Variants in TAFA1 observed in about 807,000 individuals in gnomAD.
The protein encoded by TAFA1 is TAFA chemokine like family member 1, also known as chemokine-like protein TAFA-1.
A neutral mutation model predicts 18.5 loss-of-function variants in TAFA1; 4 were observed. The ratio of observed to expected loss-of-function variants is 0.22; its 90% CI spans 0.11 to 0.49. The LOEUF (loss-of-function observed/expected upper bound fraction) is 0.49, where lower values mean the gene tolerates loss of function less well. TAFA1 is among the 20% of genes least tolerant of loss of function. The pLI is 0.98. For missense variants in TAFA1, 147 were observed against 169.0 expected (o/e 0.87, Z 0.72); for synonymous variants, 56 against 55.2 (o/e 1.01, Z -0.06).
rs565100065 is a variant in TAFA1, at chr3:68,353,556, T to C, written c.119-63724T>C. Among the ~76,000 whole-genome samples the C allele has an allele frequency of 5.9e-5, 9 of 152,132 alleles. No homozygotes were observed. The South Asian group carries it at 1.7e-3, about 28-fold the overall frequency. On this transcript the variant is annotated intron_variant, in intron 2 of 4. Transcript: ENST00000478136. Reference sequence around the variant, plus strand: ...GGACAAGTATATCATTTTGTATTCATAGCCACTATTTGCTATATAATCTGG... The same window carrying C: ...GGACAAGTATATCATTTTGTATTCACAGCCACTATTTGCTATATAATCTGG...
chr3:68,024,598 C>T (rs1400806097), intron 2 of TAFA1, among the ~76,000 whole-genome samples: 1 of 152,052 alleles, frequency 6.6e-6, no homozygotes, highest in Non-Finnish European at 1.5e-5. Context: ...GGAAGGCTAG[C>T]CTGGTTTACC....
At chr3:68,424,852 T>C (rs1025666383) in intron 3 of TAFA1, among the ~76,000 whole-genome samples, 2 of 152,008 alleles carry the variant, frequency 1.3e-5, no homozygotes, top group African/African-American at 4.8e-5. Context: ...CCTTTTTAAC[T>C]GTAACATTTA....
chr3:68,425,214 T>C (rs982340702), intron 3 of TAFA1, among the ~76,000 whole-genome samples: 1 of 151,962 alleles, frequency 6.6e-6, no homozygotes, highest in African/African-American at 2.4e-5. Flanking sequence ...CCTATTTTGG[T>C]TCTGCCATTT....
At chr3:68,274,445 C>T (rs1000854433) in intron 2 of TAFA1, among the ~76,000 whole-genome samples, 2 of 152,176 alleles carry the variant, frequency 1.3e-5, no homozygotes, top group African/African-American at 4.8e-5. Context: ...AGCCAAAGTT[C>T]ATTTCTGCCT....
chr3:68,538,584 G>A (rs2073313944), intron 3 of TAFA1, among the ~76,000 whole-genome samples, 172 bp from the exon 4 acceptor site: 2 of 152,120 alleles, frequency 1.3e-5, no homozygotes, highest in South Asian at 4.1e-4. Context: ...TGCATTATAA[G>A]GCATATAAAT....
intron 2 of TAFA1, among the ~76,000 whole-genome samples, chr3:68,235,851 G>A (rs1041295640): frequency 7.2e-5 from 11 of 152,096 alleles, no homozygotes; most frequent in African/African-American, 2.7e-4. Context: ...TGAAAATAAA[G>A]CAGAAAAGAG....
At chr3:68,250,051 A>G (rs2067162914) in intron 2 of TAFA1, among the ~76,000 whole-genome samples, 1 of 152,192 alleles carries the variant, frequency 6.6e-6, no homozygotes, top group South Asian at 2.1e-4. Context: ...ATTAATGTTA[A>G]GTCATACGAT....
At chr3:68,034,139 T>C (rs1331599354) in intron 2 of TAFA1, among the ~76,000 whole-genome samples, 2 of 152,138 alleles carry the variant, frequency 1.3e-5, no homozygotes, top group Non-Finnish European at 2.9e-5. Flanking sequence ...ACCTAAATTA[T>C]AGATTAAGCT....
At chr3:68,105,205 G>C (rs1026137501) in intron 2 of TAFA1, among the ~76,000 whole-genome samples, 1 of 152,106 alleles carries the variant, frequency 6.6e-6, no homozygotes, top group Non-Finnish European at 1.5e-5. Flanking sequence ...CCTCCCACCA[G>C]ACTCCACCTC....
At chr3:68,346,728 C>T (rs986247877) in intron 2 of TAFA1, among the ~76,000 whole-genome samples, 3 of 152,182 alleles carry the variant, frequency 2.0e-5, no homozygotes, top group African/African-American at 7.2e-5. Context: ...CTTCAAGCGA[C>T]AAAGTAATTT....
At chr3:68,389,682 G>T (rs540358640) in intron 2 of TAFA1, among the ~76,000 whole-genome samples, 1 of 152,204 alleles carries the variant, frequency 6.6e-6, no homozygotes, top group African/African-American at 2.4e-5. Flanking sequence ...CATTGGGACT[G>T]GTTAGACAGT....
At chr3:68,190,531 G>T (rs1217314451) in intron 2 of TAFA1, among the ~76,000 whole-genome samples, 1 of 151,826 alleles carries the variant, frequency 6.6e-6, no homozygotes, top group Non-Finnish European at 1.5e-5. Context: ...TAACCTCAGG[G>T]TCATTTGGAA....
intron 2 of TAFA1, among the ~76,000 whole-genome samples, chr3:68,417,027 CT>C (rs2070852164): frequency 6.6e-6 from 1 of 152,106 alleles, no homozygotes; most frequent in Non-Finnish European, 1.5e-5. Context: ...GCTTTATTGC[CT>C]GTCAATACCT....
At chr3:68,122,503 G>A (rs376767205) in intron 2 of TAFA1, among the ~76,000 whole-genome samples, 1 of 152,294 alleles carries the variant, frequency 6.6e-6, no homozygotes, top group East Asian at 1.9e-4. Context: ...GGATCTAGAT[G>A]TAAATGTGCA....
intron 2 of TAFA1, among the ~76,000 whole-genome samples, chr3:68,377,067 A>G (rs1242656361): frequency 6.6e-6 from 1 of 152,184 alleles, no homozygotes; most frequent in Admixed American, 6.5e-5. Context: ...GAGTCAATTA[A>G]ACATCTTTTC....
At chr3:68,003,831 T>C (rs1442080396), upstream of TAFA1, among the ~76,000 whole-genome samples, 5 of 152,222 alleles carry the variant, frequency 3.3e-5, no homozygotes, top group Admixed American at 3.3e-4. Context: ...CATATACGCA[T>C]CTATGTCCTA....
Position 68,484,266 on chromosome 3 carries a change from CACTCTGCCTAG to C in TAFA1, c.260-54489_260-54479del, listed in dbSNP as rs2072294165. 3.3e-5 allele frequency among the ~76,000 whole-genome samples: 5 copies of C among 152,286 alleles called. No homozygotes were observed. The South Asian group carries it at 1.0e-3, about 32-fold the overall frequency. On this transcript the variant is annotated intron_variant, in intron 3 of 4. Coordinates refer to ENST00000478136, the MANE Select transcript of TAFA1 (RefSeq NM_213609.4). ...AGCCACCTTTCCAGGGCTCAGAAGG[CACTCTGCCTAG>C]TGGTTACCATGTTGAACAGCATAGT... is the stretch of plus-strand genomic sequence containing the variant.
chr3:68,310,268 T>G (rs2068492438), intron 2 of TAFA1, among the ~76,000 whole-genome samples: 1 of 152,158 alleles, frequency 6.6e-6, no homozygotes, highest in South Asian at 2.1e-4. Context: ...AGATCTTAAG[T>G]AGTTTTTGTT....
At chr3:68,066,250 G>A (rs749016533) in intron 2 of TAFA1, among the ~76,000 whole-genome samples, 8 of 152,160 alleles carry the variant, frequency 5.3e-5, no homozygotes, top group Non-Finnish European at 1.0e-4. Context: ...GTGTTGGTGA[G>A]TGTATTGTTT....
Sources: gnomAD v4.1 joint callset for allele counts (sites outside exome capture counted in the v4.1 genomes callset) on GRCh38, gnomAD v4.1.1 for gene constraint, MANE v1.5 for transcripts, NCBI Gene and HGNC (gene_info 2026-07-23, HGNC 2026-07-21) for gene names.